Variants in FRMD4A observed in about 807,000 individuals in gnomAD.
FRMD4A encodes FERM domain containing 4A, also known as FERM domain-containing protein 4A.
FRMD4A carries 29 observed loss-of-function variants against 129.1 expected under a neutral mutation model. The ratio of observed to expected loss-of-function variants is 0.22; its 90% CI spans 0.17 to 0.31. FRMD4A has a LOEUF of 0.31. Ranked by LOEUF, FRMD4A falls within the 10% of genes least tolerant of loss-of-function variation. The pLI is 1.00. For synonymous variants in FRMD4A, 634 were observed against 571.6 expected, an observed-to-expected ratio of 1.11 and a Z score of -1.56; for missense variants, 1,272 against 1,375.8, an observed-to-expected ratio of 0.92 and a Z score of 1.19.
At chr10:14,071,579 G>C (rs1408588458) in intron 2 of FRMD4A, among the ~76,000 whole-genome samples, 4 of 152,122 alleles carry the variant, frequency 2.6e-5, no homozygotes, top group Non-Finnish European at 4.4e-5. Flanking sequence ...CTTTAGATTA[G>C]AAAATATTTT....
At chr10:14,120,650 T>C (rs1227189017) in intron 2 of FRMD4A, among the ~76,000 whole-genome samples, 1 of 152,216 alleles carries the variant, frequency 6.6e-6, no homozygotes. Flanking sequence ...ATTTTCCACC[T>C]TTCCTTGCAG....
intron 2 of FRMD4A, among the ~76,000 whole-genome samples, chr10:14,144,505 T>G (rs1042077178): frequency 6.6e-6 from 1 of 152,188 alleles, no homozygotes; most frequent in South Asian, 2.1e-4. Context: ...TTATACAAAC[T>G]GAAAATTGGA....
intron 2 of FRMD4A, among the ~76,000 whole-genome samples, chr10:14,040,264 C>T (rs1833727040): frequency 6.6e-6 from 1 of 151,796 alleles, no homozygotes; most frequent in Non-Finnish European, 1.5e-5. Flanking sequence ...TGTGAACAGT[C>T]ACTTGCTCCC....
intron 2 of FRMD4A, among the ~76,000 whole-genome samples, chr10:14,322,947 C>T (rs142891113): frequency 6.4e-4 from 97 of 152,286 alleles, no homozygotes; most frequent in Middle Eastern, 3.4e-3. Context: ...GTAAAATGCA[C>T]GCATTTTGCC....
intron 2 of FRMD4A, among the ~76,000 whole-genome samples, chr10:14,009,071 T>G (rs942581454): frequency 6.6e-6 from 1 of 152,270 alleles, no homozygotes; most frequent in Non-Finnish European, 1.5e-5. Flanking sequence ...TTTACACGGC[T>G]GTGTCGAAGC....
Position 13,812,760 on chromosome 10 carries a change from C to T in FRMD4A, c.112-1852G>A, listed in dbSNP as rs553195354. Among the ~76,000 whole-genome samples the T allele has an allele frequency of 1.1e-4, 16 of 152,340 alleles. No individual in the cohort carries two copies. In the South Asian group the frequency reaches 3.3e-3, roughly 32 times the overall value. ...AAGAATGGGTTTGAAGCTTCCTCCC[C>T]AGCAGACAGGAATGGACAGGAGAAC... On this transcript the variant is annotated intron_variant, in intron 3 of 24. Transcript: ENST00000357447.
At chr10:13,749,825 C>T (rs1290636106) in intron 8 of FRMD4A, among the ~76,000 whole-genome samples, 1 of 151,616 alleles carries the variant, frequency 6.6e-6, no homozygotes, top group Non-Finnish European at 1.5e-5. Context: ...CCTGTCTCTA[C>T]AAAAAATACA....
intron 2 of FRMD4A, among the ~76,000 whole-genome samples, chr10:13,885,314 C>T (rs1406989462): frequency 6.6e-6 from 1 of 152,194 alleles, no homozygotes; most frequent in Non-Finnish European, 1.5e-5. Flanking sequence ...AATAAAGCAA[C>T]CAAGGCTCAG....
intron 8 of FRMD4A, among the ~76,000 whole-genome samples, chr10:13,760,455 G>T (rs2092024643): frequency 6.6e-6 from 1 of 152,052 alleles, no homozygotes; most frequent in Non-Finnish European, 1.5e-5. Context: ...GGAGCTGGAG[G>T]TTACAGTGAG....
At chr10:13,750,109 G>GAAAGAAAGAAATAAAGA (rs59377985) in intron 8 of FRMD4A, among the ~76,000 whole-genome samples, 17 of 73,578 alleles carry the variant, frequency 2.3e-4, no homozygotes, top group African/African-American at 9.4e-4. Flanking sequence ...AGAAAGAAAT[G>GAAAGAAAGAAATAAAGA]AAGAAAGAAA....
intron 15 of FRMD4A, among the ~76,000 whole-genome samples, chr10:13,687,045 T>A (rs1007197688): frequency 6.6e-6 from 1 of 152,158 alleles, no homozygotes; most frequent in Non-Finnish European, 1.5e-5. Flanking sequence ...AATCCCAGCA[T>A]GTTGGGAGGC....
chr10:14,260,639 C>T (rs558111712), intron 2 of FRMD4A, among the ~76,000 whole-genome samples: 6 of 152,320 alleles, frequency 3.9e-5, no homozygotes, highest in African/African-American at 1.4e-4. Flanking sequence ...ATCTTCACCA[C>T]TTCAAATTGG....
At chr10:13,695,295 C>T (rs1258478064) in intron 14 of FRMD4A, among the ~76,000 whole-genome samples, 2 of 152,050 alleles carry the variant, frequency 1.3e-5, no homozygotes, top group South Asian at 4.2e-4. Context: ...TGTCCACCAC[C>T]ACGCCCAGCT....
rs139217048 is a variant in FRMD4A, at chr10:13,817,767, A to G, written c.112-6859T>C. 3.2e-3 allele frequency among the ~76,000 whole-genome samples: 483 copies of G among 152,242 alleles called. 5 individuals carry two copies. The highest frequency in any genetic ancestry group is 0.031 in the East Asian group (162 of 5,184). On this transcript the variant is annotated intron_variant, in intron 3 of 24. Transcript: ENST00000357447. Reference sequence around the variant, plus strand: ...ACTAAACCTCTTTCCTTTATAAATTACCCAGTCTCAGGTATGTCTTTATTA... The same window carrying G: ...ACTAAACCTCTTTCCTTTATAAATTGCCCAGTCTCAGGTATGTCTTTATTA...
At chr10:14,247,430 A>G (rs116737678) in intron 2 of FRMD4A, among the ~76,000 whole-genome samples, 210 of 152,274 alleles carry the variant, frequency 1.4e-3, no homozygotes, top group African/African-American at 4.8e-3. Context: ...AAGAAATAAG[A>G]TCACATTAAA....
At chr10:14,067,678 G>A (rs181575188) in intron 2 of FRMD4A, among the ~76,000 whole-genome samples, 122 of 152,210 alleles carry the variant, frequency 8.0e-4, no homozygotes, top group African/African-American at 2.7e-3. Context: ...TTAGCTGGGC[G>A]TGGTGGTGCA....
At chr10:14,148,956 A>T (rs918606857) in intron 2 of FRMD4A, among the ~76,000 whole-genome samples, 1 of 152,160 alleles carries the variant, frequency 6.6e-6, no homozygotes, top group Non-Finnish European at 1.5e-5. Context: ...ATGGATGCTC[A>T]CACACTTGTA....
At chr10:13,780,130 C>A (rs190985088) in intron 6 of FRMD4A, among the ~76,000 whole-genome samples, 1 of 152,098 alleles carries the variant, frequency 6.6e-6, no homozygotes, top group Non-Finnish European at 1.5e-5. Flanking sequence ...AGTTTGAGAC[C>A]AGCCTGGGCA....
intron 2 of FRMD4A, among the ~76,000 whole-genome samples, chr10:14,035,947 C>CA (rs892220507): frequency 5.3e-5 from 8 of 151,114 alleles, no homozygotes; most frequent in Admixed American, 6.6e-5. Context: ...GAGGCTGAGG[C>CA]AGGAGAATCA....
Sources: gnomAD v4.1 joint callset for allele counts (sites outside exome capture counted in the v4.1 genomes callset) on GRCh38, gnomAD v4.1.1 for gene constraint, MANE v1.5 for transcripts, NCBI Gene and HGNC (gene_info 2026-07-23, HGNC 2026-07-21) for gene names.